The following EML6 variants were observed in gnomAD, a reference collection of about 807,000 sequenced individuals.
The protein encoded by EML6 is echinoderm microtubule-associated protein-like 6.
A neutral mutation model predicts 240.1 loss-of-function variants in EML6; 154 were observed. That is an observed-to-expected ratio of 0.64 (90% CI 0.56 to 0.73). The LOEUF is 0.73. Ranked by LOEUF, EML6 falls within the 30% of genes least tolerant of loss-of-function variation. The pLI is 0.00. For synonymous variants in EML6, 1,148 were observed against 899.0 expected, an observed-to-expected ratio of 1.28 and a Z score of -4.95; for missense variants, 2,964 against 2,474.6, an observed-to-expected ratio of 1.20 and a Z score of -4.20.
At chr2:54,845,326 T>G (rs1669689881) in intron 8 of EML6, among the ~76,000 whole-genome samples, 1 of 152,236 alleles carries the variant, frequency 6.6e-6, no homozygotes, top group African/African-American at 2.4e-5. Context: ...CTGTTACTCT[T>G]GAATTTTCCC....
At position 54,855,065 on chromosome 2, in the gene EML6, A is replaced by G. The variant is rs189176475; in HGVS notation, c.1657+1210A>G. 1.1e-3 allele frequency among the ~76,000 whole-genome samples: 161 copies of G among 152,342 alleles called. 4 individuals carry two copies. The highest frequency in any genetic ancestry group is 0.01 in the Admixed American group (160 of 15,296). On this transcript the variant is annotated intron_variant, in intron 11 of 41. Coordinates refer to ENST00000356458, the MANE Select transcript of EML6 (RefSeq NM_001039753.4). Reference sequence around the variant, plus strand: ...TTTTAAGGTGTGCTTGGGTCTGGAAAATAGCAATGGAAATGTGGATCTATT... The same window carrying G: ...TTTTAAGGTGTGCTTGGGTCTGGAAGATAGCAATGGAAATGTGGATCTATT...
chr2:54,930,770 G>T (rs1428442933), intron 28 of EML6, among the ~76,000 whole-genome samples: 1 of 152,106 alleles, frequency 6.6e-6, no homozygotes, highest in African/African-American at 2.4e-5. Context: ...CAGCTGCACA[G>T]CATGCCGGGA....
chr2:54,853,636 T>C lies in EML6; in HGVS notation c.1445-7T>C, dbSNP rs752043831. On this transcript the variant is annotated splice_region_variant and splice_polypyrimidine_tract_variant and intron_variant, in intron 10 of 41. Transcript: ENST00000356458. ...TTAAATGTAATGTTAATATTGATTATTTTCAGCTGGGAAGCCTTTAACAAG... is the reference window on the plus strand; with the variant it reads ...TTAAATGTAATGTTAATATTGATTACTTTCAGCTGGGAAGCCTTTAACAAG... The C allele has an allele frequency of 6.6e-7, 1 of 1,507,642 alleles. No homozygotes were observed. Among genetic ancestry groups the C allele is most frequent in the South Asian group, 1.3e-5 (1 of 76,626 alleles). The allele number at this position is 1,507,642 out of a possible 1,614,324, so 93.4% of individuals were successfully genotyped here.
intron 2 of EML6, among the ~76,000 whole-genome samples, chr2:54,753,691 G>T (rs960260434): frequency 6.7e-6 from 1 of 148,254 alleles, no homozygotes; most frequent in Non-Finnish European, 1.5e-5. Context: ...TGAGAGACTG[G>T]GTCTGATTCT....
At position 54,957,858 on chromosome 2, in the gene EML6, G is replaced by A; in HGVS notation, c.4555G>A (p.Asp1519Asn). The A allele has an allele frequency of 2.6e-6, 4 of 1,551,172 alleles. No homozygotes were observed. The highest frequency in any genetic ancestry group is 3.5e-6 in the Non-Finnish European group (4 of 1,147,002). Residue 1519 changes from aspartate to asparagine, a missense_variant, in exon 33 of 42, where the codon GAC becomes AAC. Transcript: ENST00000356458. ...IFVVEFRPDS[D>N]TQFVSVGVKH... ...TGTGGTGGAATTTCGCCCCGACTCA[G>A]ACACGCAGTTTGTATCTGTCGGGGT...
chr2:54,954,288 CAG>C, intron 32 of EML6, 132 bp downstream of exon 32: 1 of 782,716 alleles, frequency 1.3e-6, no homozygotes, highest in South Asian at 2.0e-5. Flanking sequence ...AAGTGGAAAA[CAG>C]GGCACTGGGG....
At chr2:54,868,160 G>A (rs566896361) in intron 14 of EML6, 1 of 152,094 alleles carries the variant, frequency 6.6e-6, no homozygotes, top group African/African-American at 2.4e-5. Flanking sequence ...GGTTTAAAAT[G>A]TTACTGAAAT....
chr2:54,964,243 A>C (rs1676652280), intron 37 of EML6, 85 bp downstream of exon 37: 1 of 1,375,376 alleles, frequency 7.3e-7, no homozygotes, highest in East Asian at 2.5e-5. Flanking sequence ...CGGCTGGAAT[A>C]AAGAACTCAG....
intron 2 of EML6, among the ~76,000 whole-genome samples, chr2:54,805,989 C>T (rs1670452358): frequency 6.6e-6 from 1 of 152,064 alleles, no homozygotes; most frequent in African/African-American, 2.4e-5. Flanking sequence ...GGATTCAATT[C>T]TATACCATTG....
intron 2 of EML6, among the ~76,000 whole-genome samples, chr2:54,796,903 G>C (rs1317414002): frequency 1.3e-5 from 2 of 151,892 alleles, no homozygotes; most frequent in East Asian, 1.9e-4. Flanking sequence ...CCTTTAAAAA[G>C]GTAAGCTCTG....
At chr2:54,891,011 T>A in intron 17 of EML6, 43 bp from the exon 18 acceptor site, 1 of 954,676 alleles carries the variant, frequency 1.0e-6, no homozygotes, top group Non-Finnish European at 1.6e-6. Context: ...CTGTTACTGC[T>A]TCCATCCAAA....
At chr2:54,932,439 G>A (rs1252180167) in intron 28 of EML6, among the ~76,000 whole-genome samples, 6 of 152,128 alleles carry the variant, frequency 3.9e-5, no homozygotes, top group Admixed American at 1.3e-4. Flanking sequence ...ATCCCCAGCC[G>A]ACTTGACGCT....
intron 6 of EML6, among the ~76,000 whole-genome samples, chr2:54,828,839 GCGAAC>G (rs1572963528): frequency 1.3e-5 from 2 of 152,170 alleles, no homozygotes; most frequent in East Asian, 3.8e-4. Context: ...TGCTTAACAA[GCGAAC>G]ACAAGTGCTA....
intron 10 of EML6, among the ~76,000 whole-genome samples, chr2:54,850,982 T>A (rs775934023): frequency 2.0e-5 from 3 of 152,230 alleles, no homozygotes; most frequent in Non-Finnish European, 4.4e-5. Context: ...TTATATAAAC[T>A]TTTAGCACAT....
At chr2:54,797,871 T>C (rs1669906556) in intron 2 of EML6, among the ~76,000 whole-genome samples, 3 of 152,218 alleles carry the variant, frequency 2.0e-5, no homozygotes, top group Admixed American at 6.5e-5. Flanking sequence ...CTTATGCCAA[T>C]AGCACATTGT....
intron 25 of EML6, among the ~76,000 whole-genome samples, chr2:54,914,149 C>T (rs2104304921): frequency 6.6e-6 from 1 of 152,232 alleles, no homozygotes; most frequent in South Asian, 2.1e-4. Flanking sequence ...TTTTTGGCTC[C>T]ATATGAATTT....
chr2:54,831,601 G>T (rs1038409605), intron 7 of EML6, among the ~76,000 whole-genome samples: 1 of 152,242 alleles, frequency 6.6e-6, no homozygotes, highest in Admixed American at 6.5e-5. Flanking sequence ...CTGGGAACCC[G>T]AAACAAGCCT....
intron 7 of EML6, among the ~76,000 whole-genome samples, chr2:54,836,642 C>G (rs777287497): frequency 6.6e-6 from 1 of 152,136 alleles, no homozygotes; most frequent in African/African-American, 2.4e-5. Flanking sequence ...TCCTCAAACT[C>G]CCCTGGGGGT....
intron 22 of EML6, among the ~76,000 whole-genome samples, chr2:54,901,294 G>A (rs941065711): frequency 5.3e-5 from 8 of 152,294 alleles, no homozygotes; most frequent in Admixed American, 3.3e-4. Context: ...TCCCTCTGCC[G>A]TGTTGCCTGT....
Sources: gnomAD v4.1 joint callset for allele counts (sites outside exome capture counted in the v4.1 genomes callset) on GRCh38, gnomAD v4.1.1 for gene constraint, MANE v1.5 for transcripts, NCBI Gene and HGNC (gene_info 2026-07-23, HGNC 2026-07-21) for gene names.